The following TESK2 variants were observed in gnomAD, a reference collection of about 807,000 sequenced individuals.
TESK2 encodes the protein dual specificity testis-specific protein kinase 2.
In TESK2, 39 loss-of-function variants were observed where a neutral mutation model predicts 57.1. The observed-to-expected ratio is 0.68, with a 90% confidence interval of 0.53 to 0.89. The LOEUF is 0.89. Among genes scored for constraint, TESK2 ranks in the 40% least tolerant of loss-of-function variants. TESK2 has a pLI of 0.00. For missense variants in TESK2, 646 were observed against 732.1 expected (o/e 0.88, Z 1.36); for synonymous variants, 249 against 267.9 (o/e 0.93, Z 0.69).
chr1:45,383,376 TC>T (rs1648738617), intron 4 of TESK2, among the ~76,000 whole-genome samples: 1 of 152,162 alleles, frequency 6.6e-6, no homozygotes, highest in African/African-American at 2.4e-5. Flanking sequence ...TTGGGCTTCA[TC>T]ACTACCAGTC....
At chr1:45,434,539 T>C (rs1651116033) in intron 2 of TESK2, among the ~76,000 whole-genome samples, 1 of 152,046 alleles carries the variant, frequency 6.6e-6, no homozygotes, top group East Asian at 1.9e-4. Context: ...AATACCTCAT[T>C]GTATTGATTT....
intron 3 of TESK2, among the ~76,000 whole-genome samples, chr1:45,395,507 A>G (rs1379979985): frequency 1.3e-5 from 2 of 152,150 alleles, no homozygotes; most frequent in African/African-American, 4.8e-5. Flanking sequence ...GCATTACTGT[A>G]GTTAGATTCT....
At chr1:45,458,887 C>T (rs763509217) in intron 1 of TESK2, among the ~76,000 whole-genome samples, 72 of 152,176 alleles carry the variant, frequency 4.7e-4, no homozygotes, top group Non-Finnish European at 7.9e-4. Context: ...TAGCCTGTCT[C>T]TCCCTCTTTC....
intron 3 of TESK2, among the ~76,000 whole-genome samples, chr1:45,392,402 G>C (rs1649182685): frequency 6.6e-6 from 1 of 152,058 alleles, no homozygotes; most frequent in African/African-American, 2.4e-5. Context: ...ACCGTGCTTG[G>C]CCTATTTGAA....
At chr1:45,354,914 T>C (rs929679661) in intron 5 of TESK2, among the ~76,000 whole-genome samples, 9 of 144,596 alleles carry the variant, frequency 6.2e-5, no homozygotes, top group African/African-American at 2.3e-4. Flanking sequence ...TGGGGCACAG[T>C]GACTCACGCC....
At chr1:45,405,927 G>A (rs2149281864) in intron 3 of TESK2, among the ~76,000 whole-genome samples, 1 of 151,678 alleles carries the variant, frequency 6.6e-6, no homozygotes. Context: ...AAAGAAAGAA[G>A]ATATTCAGAA....
chr1:45,395,188 G>T (rs988541471), intron 3 of TESK2, among the ~76,000 whole-genome samples: 4 of 152,224 alleles, frequency 2.6e-5, no homozygotes, highest in African/African-American at 9.6e-5. Flanking sequence ...TAACGATGGG[G>T]ATACATTCTG....
At chr1:45,463,005 T>C (rs897533118) in intron 1 of TESK2, among the ~76,000 whole-genome samples, 1 of 152,240 alleles carries the variant, frequency 6.6e-6, no homozygotes, top group Non-Finnish European at 1.5e-5. Flanking sequence ...GAACTTTACA[T>C]AGATCTGTTT....
intron 3 of TESK2, among the ~76,000 whole-genome samples, chr1:45,391,703 C>G (rs751970427): frequency 6.6e-6 from 1 of 152,194 alleles, no homozygotes; most frequent in Non-Finnish European, 1.5e-5. Flanking sequence ...ATTTCATCTT[C>G]TATACAAAGG....
intron 3 of TESK2, among the ~76,000 whole-genome samples, chr1:45,403,699 TA>T (rs1649724278): frequency 6.6e-6 from 1 of 152,100 alleles, no homozygotes. Flanking sequence ...TCTAAAAAGT[TA>T]AAGTCAGATC....
intron 5 of TESK2, among the ~76,000 whole-genome samples, chr1:45,351,786 C>G (rs1416107500): frequency 6.6e-6 from 1 of 152,134 alleles, no homozygotes; most frequent in Non-Finnish European, 1.5e-5. Context: ...GCGTTTTGGC[C>G]TCTTTGCTAT....
At chr1:45,388,881 C>T (rs908582545) in intron 3 of TESK2, among the ~76,000 whole-genome samples, 2 of 152,006 alleles carry the variant, frequency 1.3e-5, no homozygotes, top group Admixed American at 6.6e-5. Context: ...CCACCACGCC[C>T]GGCTAATTTT....
At chr1:45,478,604 A>G (rs943960694) in intron 1 of TESK2, among the ~76,000 whole-genome samples, 2 of 152,200 alleles carry the variant, frequency 1.3e-5, no homozygotes, top group Non-Finnish European at 2.9e-5. Context: ...TTTATTTAGC[A>G]CCTCTTACGG....
chr1:45,474,806 T>C (rs1652917485), intron 1 of TESK2, among the ~76,000 whole-genome samples: 2 of 150,744 alleles, frequency 1.3e-5, no homozygotes, highest in Admixed American at 1.3e-4. Flanking sequence ...TTTAATGCAG[T>C]TTCTGATCTT....
At position 45,346,117 on chromosome 1, in the gene TESK2, C is replaced by T. The variant is rs184687513; in HGVS notation, c.880-123G>A. On this transcript the variant is annotated intron_variant, in intron 9 of 10. Coordinates refer to ENST00000372086, the MANE Select transcript of TESK2 (RefSeq NM_007170.3). ...GCAGCTGAGAGACCTTTTCTAAAGG[C>T]CCCAGACAATGAAGGTGATCCCTAC... 3.2e-3 allele frequency: 2,402 copies of T among 753,284 alleles called. 10 individuals carry two copies. The highest frequency in any genetic ancestry group is 4.5e-3 in the Non-Finnish European group (1,951 of 434,660). The allele number at this position is 753,284 out of a possible 1,614,324, so 46.7% of individuals were successfully genotyped here.
chr1:45,470,858 AAT>A (rs1423182409), intron 1 of TESK2, among the ~76,000 whole-genome samples: 1 of 152,176 alleles, frequency 6.6e-6, no homozygotes, highest in Non-Finnish European at 1.5e-5. Context: ...AGTCCTATAA[AAT>A]AGATGCCATT....
At chr1:45,384,539 A>T (rs1211712987) in intron 4 of TESK2, among the ~76,000 whole-genome samples, 1 of 146,922 alleles carries the variant, frequency 6.8e-6, no homozygotes, top group East Asian at 2.0e-4. Context: ...GCTGCCCCAG[A>T]CTCCTGAGTA....
chr1:45,460,469 G>A (rs185073994), intron 1 of TESK2, among the ~76,000 whole-genome samples: 16 of 152,216 alleles, frequency 1.1e-4, no homozygotes, highest in African/African-American at 3.6e-4. Flanking sequence ...GCAGTGAGCC[G>A]AGATCATGCC....
chr1:45,443,158 G>C (rs1194038022), intron 2 of TESK2, among the ~76,000 whole-genome samples: 1 of 152,126 alleles, frequency 6.6e-6, no homozygotes, highest in African/African-American at 2.4e-5. Context: ...GTGTGGCCAA[G>C]GTGGGGGGAT....
Sources: gnomAD v4.1 joint callset for allele counts (sites outside exome capture counted in the v4.1 genomes callset) on GRCh38, gnomAD v4.1.1 for gene constraint, MANE v1.5 for transcripts, NCBI Gene and HGNC (gene_info 2026-07-23, HGNC 2026-07-21) for gene names.